INPP4B: variants seen among roughly 807,000 people sequenced by gnomAD.
The protein encoded by INPP4B is inositol polyphosphate-4-phosphatase type II B.
Under a neutral mutation model 122.5 loss-of-function variants are expected in INPP4B, and 55 were observed. The observed-to-expected ratio is 0.45, with a 90% CI of 0.36 to 0.56. INPP4B has a LOEUF of 0.56. Among genes scored for constraint, INPP4B ranks in the 20% least tolerant of loss-of-function variants. The probability of loss-of-function intolerance (pLI) is 0.00; values close to 1 mark genes in which losing one functional copy is unlikely to be tolerated. For synonymous variants in INPP4B, 403 were observed against 388.7 expected (o/e 1.04, Z -0.43); for missense variants, 1,000 against 1,097.7 (o/e 0.91, Z 1.26).
intron 11 of INPP4B, among the ~76,000 whole-genome samples, chr4:142,255,586 A>G (rs181780356): frequency 4.0e-3 from 605 of 152,332 alleles, no homozygotes; most frequent in Non-Finnish European, 6.0e-3. Context: ...TTAAACCAAC[A>G]AAGACCAAAA....
At chr4:142,815,681 C>T (rs1780037367) in intron 1 of INPP4B, among the ~76,000 whole-genome samples, 1 of 152,012 alleles carries the variant, frequency 6.6e-6, no homozygotes, top group African/African-American at 2.4e-5. Flanking sequence ...ATAAGTAAAG[C>T]TTAACAAAAC....
intron 9 of INPP4B, among the ~76,000 whole-genome samples, chr4:142,286,025 G>T (rs868294257): frequency 1.3e-5 from 2 of 152,120 alleles, no homozygotes; most frequent in Admixed American, 6.5e-5. Flanking sequence ...ACTGAATCAC[G>T]ATTTAAGCAG....
intron 11 of INPP4B, among the ~76,000 whole-genome samples, chr4:142,259,335 C>G (rs1192237805): frequency 1.3e-5 from 2 of 149,934 alleles, no homozygotes; most frequent in African/African-American, 4.9e-5. Flanking sequence ...GCACATGTAC[C>G]CTAAAACTTA....
chr4:142,285,573 G>A (rs1157806800), intron 9 of INPP4B, among the ~76,000 whole-genome samples: 1 of 95,052 alleles, frequency 1.1e-5, no homozygotes, highest in Non-Finnish European at 1.9e-5. Flanking sequence ...CCTATACCAG[G>A]TATGAAGGGC....
intron 2 of INPP4B, among the ~76,000 whole-genome samples, chr4:142,641,029 G>A (rs1175715727): frequency 6.6e-5 from 10 of 152,024 alleles, no homozygotes; most frequent in African/African-American, 1.4e-4. Context: ...ATCTGCTAAC[G>A]TTGCAGGTAA....
At chr4:142,735,615 G>T (rs930681537) in intron 1 of INPP4B, among the ~76,000 whole-genome samples, 1 of 152,156 alleles carries the variant, frequency 6.6e-6, no homozygotes, top group Non-Finnish European at 1.5e-5. Flanking sequence ...GCAGGGAGCT[G>T]CCACAAACCC....
intron 22 of INPP4B, 40 bp from the exon 23 acceptor site, chr4:142,108,230 C>A: frequency 9.2e-7 from 1 of 1,082,522 alleles, no homozygotes; most frequent in South Asian, 1.3e-5. Flanking sequence ...GGTTATAAAA[C>A]GGTACCAAAA....
chr4:142,107,944 C>T (rs1010111148), intron 23 of INPP4B, 149 bp downstream of exon 23: 5 of 558,582 alleles, frequency 9.0e-6, no homozygotes, highest in African/African-American at 7.9e-5. Context: ...GCTACCTTGG[C>T]AATCAGTCTT....
intron 2 of INPP4B, among the ~76,000 whole-genome samples, chr4:142,633,992 C>T (rs1303045598): frequency 1.3e-5 from 2 of 151,436 alleles, no homozygotes; most frequent in African/African-American, 4.9e-5. Flanking sequence ...CACCGCTGCA[C>T]TCCAGCCTGA....
At chr4:142,157,264 T>C (rs1397297257) in intron 17 of INPP4B, among the ~76,000 whole-genome samples, 3 of 152,324 alleles carry the variant, frequency 2.0e-5, no homozygotes, top group East Asian at 1.9e-4. Context: ...TTAGTGTTTA[T>C]GACTCTGGTG....
chr4:142,404,037 T>G (rs1417165656), intron 6 of INPP4B, among the ~76,000 whole-genome samples: 1 of 142,210 alleles, frequency 7.0e-6, no homozygotes, highest in Non-Finnish European at 1.6e-5. Flanking sequence ...GGCAACATTT[T>G]TAAAATAACA....
chr4:142,160,363 C>G lies in INPP4B; in HGVS notation c.1558G>C (p.Glu520Gln), dbSNP rs1819508822. The part of the protein sequence containing the change: ...IPHHSDYDEE[E>Q]WDRVWANVGK... Reference sequence around the variant, plus strand: ...GCGATATACAAGAGACTTACCCACTCTTCCTCATCATAGTCTGAATGATGT... The same window carrying G: ...GCGATATACAAGAGACTTACCCACTGTTCCTCATCATAGTCTGAATGATGT... The change falls in exon 17 of 26, where the codon GAG becomes CAG. Residue 520 changes from glutamate to glutamine, a missense_variant. Transcript: ENST00000262992. 2.6e-6 allele frequency: 4 copies of G among 1,524,616 alleles called. No individual in the cohort carries two copies. The highest frequency in any genetic ancestry group is 3.6e-6 in the Non-Finnish European group (4 of 1,121,232). The allele number at this position is 1,524,616 out of a possible 1,614,324, so 94.4% of individuals were successfully genotyped here. A position where few individuals can be genotyped will look rare whatever the true frequency, so the allele number is the denominator to read the frequency against.
chr4:142,299,170 G>T (rs5020269), intron 9 of INPP4B, among the ~76,000 whole-genome samples: 4,384 of 79,402 alleles, frequency 0.055, 234 homozygotes, highest in African/African-American at 0.28. Flanking sequence ...TTTTTTTTTT[G>T]GGGGGGAGAC....
At chr4:142,445,837 A>C (rs1220360844) in intron 3 of INPP4B, among the ~76,000 whole-genome samples, 1 of 152,190 alleles carries the variant, frequency 6.6e-6, no homozygotes, top group Admixed American at 6.6e-5. Context: ...TAACAAGTGC[A>C]TTTTCTGACC....
At chr4:142,227,732 C>G (rs1347140249) in intron 12 of INPP4B, among the ~76,000 whole-genome samples, 1 of 151,090 alleles carries the variant, frequency 6.6e-6, no homozygotes, top group Non-Finnish European at 1.5e-5. Flanking sequence ...GTGGTGGGCA[C>G]CTGTAATCCC....
At chr4:142,696,899 T>G (rs1052178963) in intron 2 of INPP4B, among the ~76,000 whole-genome samples, 4 of 152,182 alleles carry the variant, frequency 2.6e-5, no homozygotes, top group African/African-American at 9.7e-5. Flanking sequence ...AGTGCTTTCC[T>G]CTAGCAAGGA....
At chr4:142,633,500 A>T (rs1748438210) in intron 2 of INPP4B, among the ~76,000 whole-genome samples, 1 of 152,138 alleles carries the variant, frequency 6.6e-6, no homozygotes, top group Admixed American at 6.6e-5. Context: ...ATCTTAACAC[A>T]CTTAAAGGAA....
intron 25 of INPP4B, among the ~76,000 whole-genome samples, chr4:142,055,882 A>G (rs1398318621): frequency 3.3e-5 from 5 of 151,834 alleles, no homozygotes; most frequent in Middle Eastern, 3.2e-3. Context: ...TATTTCTATT[A>G]CATTGTGATA....
intron 14 of INPP4B, among the ~76,000 whole-genome samples, chr4:142,197,135 A>AAAAG (rs1554003452): frequency 2.7e-5 from 4 of 148,104 alleles, no homozygotes; most frequent in Admixed American, 1.3e-4. Context: ...TCAAAAAAAA[A>AAAAG]AAAAAAAAAA....
Sources: gnomAD v4.1 joint callset for allele counts (sites outside exome capture counted in the v4.1 genomes callset) on GRCh38, gnomAD v4.1.1 for gene constraint, MANE v1.5 for transcripts, NCBI Gene and HGNC (gene_info 2026-07-23, HGNC 2026-07-21) for gene names.